The following OR13C8 variants were observed in gnomAD, a reference collection of about 807,000 sequenced individuals.
OR13C8 encodes the protein olfactory receptor family 13 subfamily C member 8, also known as olfactory receptor 13C8.
For missense variants in OR13C8, 382 were observed against 388.1 expected (o/e 0.98, Z 0.13); for synonymous variants, 149 against 143.6 (o/e 1.04, Z -0.27).
chr9:104,570,008 TC>T lies in OR13C8; in HGVS notation c.844del (p.Leu282PhefsTer5). 1 of 1,614,176 alleles carries T rather than the reference TC, an allele frequency of 6.2e-7. No individual in the cohort carries two copies. Among genetic ancestry groups the T allele is most frequent in the Non-Finnish European group, 8.5e-7 (1 of 1,180,030 alleles). Reference sequence around the variant, plus strand: ...TGAAGACATCATTGAGGCCCTCATCTCCCTTTTCTATGGAGTGATGACTCCC... The same window carrying T: ...TGAAGACATCATTGAGGCCCTCATCTCCTTTTCTATGGAGTGATGACTCCC... ...GNEDIIEALI[S>X]LFYGVMTPML... is the part of the protein sequence containing the mutation. On this transcript the variant is annotated frameshift_variant, in exon 1 of 1. Transcript: ENST00000335040. LOFTEE classifies it high-confidence loss of function.
Position 104,570,051 on chromosome 9 carries a change from T to C in OR13C8, c.884T>C (p.Ile295Thr). ...GVMTPMLNPL[I>T]YSLRNKDVKA... ...ATGACTCCCATGCTTAATCCTCTCA[T>C]CTATAGTCTGCGAAACAAGGATGTA... Residue 295 changes from isoleucine to threonine, a missense_variant, in exon 1 of 1, where the codon ATC becomes ACC. Transcript: ENST00000335040. 4 of 1,613,974 alleles carry C rather than the reference T, an allele frequency of 2.5e-6. No homozygotes were observed. The highest frequency in any genetic ancestry group is 1.1e-5 in the South Asian group (1 of 91,064).
In OR13C8 at chr9:104,569,900, C is replaced by A. The variant is rs1434520300; in HGVS notation, c.733C>A (p.Leu245Met). 1.2e-6 allele frequency: 2 copies of A among 1,614,074 alleles called. No individual in the cohort carries two copies. The highest frequency in any genetic ancestry group is 1.7e-6 in the Non-Finnish European group (2 of 1,180,042). ...HKAFSTCSAH[L>M]TVVIIFYGTI... ...GGCCTTCTCCACCTGCTCAGCCCAC[C>A]TGACAGTGGTGATTATATTCTATGG... is the stretch of plus-strand genomic sequence containing the variant. Residue 245 changes from leucine to methionine, a missense_variant, in exon 1 of 1, where the codon CTG becomes ATG. By Grantham distance (15) the Leu-to-Met change is conservative. Transcript: ENST00000335040.
At position 104,569,661 on chromosome 9, in the gene OR13C8, A is replaced by G; in HGVS notation, c.494A>G (p.Gln165Arg). ...DSVVQTAFAM[Q>R]LPFCANNVIK... Reference sequence around the variant, plus strand: ...GTAGTGCAGACAGCTTTTGCAATGCAGTTACCATTCTGTGCTAATAATGTC... The same window carrying G: ...GTAGTGCAGACAGCTTTTGCAATGCGGTTACCATTCTGTGCTAATAATGTC... Residue 165 changes from glutamine (Q) to arginine (R), a missense_variant, in exon 1 of 1, where the codon CAG becomes CGG. Transcript: ENST00000335040. 2 of 1,614,140 alleles carry G rather than the reference A, an allele frequency of 1.2e-6. No homozygotes were observed. The highest frequency in any genetic ancestry group is 8.5e-7 in the Non-Finnish European group (1 of 1,180,026).
chr9:104,569,733 G>A lies in OR13C8; in HGVS notation c.566G>A (p.Cys189Tyr). The A allele has an allele frequency of 1.9e-6, 3 of 1,614,150 alleles. No homozygotes were observed. The highest frequency in any genetic ancestry group is 2.5e-6 in the Non-Finnish European group (3 of 1,180,018). Reference protein sequence around the residue: ...CEILAILKLACADISINVISM... With the variant: ...CEILAILKLAYADISINVISM... ...ATTCTGGCTATCTTGAAACTGGCCTGTGCTGATATTTCAATCAATGTGATT... is the reference window on the plus strand; with the variant it reads ...ATTCTGGCTATCTTGAAACTGGCCTATGCTGATATTTCAATCAATGTGATT... Residue 189 changes from cysteine to tyrosine, a missense_variant, in exon 1 of 1, where the codon TGT (cysteine) becomes TAT (tyrosine). Transcript: ENST00000335040.
Sources: gnomAD v4.1 joint callset for allele counts on GRCh38, gnomAD v4.1.1 for gene constraint, MANE v1.5 for transcripts, NCBI Gene and HGNC (gene_info 2026-07-23, HGNC 2026-07-21) for gene names.